The following PRR16 variants were observed in gnomAD, a reference collection of about 807,000 sequenced individuals.
PRR16 encodes the protein proline rich 16, also known as protein Largen.
Under a neutral mutation model 18.2 loss-of-function variants are expected in PRR16, and 6 were observed. The observed-to-expected ratio is 0.33, with a 90% CI of 0.18 to 0.65. PRR16 has a LOEUF of 0.65. PRR16 is among the 30% of genes least tolerant of loss of function. The pLI is 0.74. For synonymous variants in PRR16, 151 were observed against 147.8 expected (o/e 1.02, Z -0.16); for missense variants, 412 against 376.6 (o/e 1.09, Z -0.78).
chr5:120,668,957 G>A (rs148351601), intron 1 of PRR16, among the ~76,000 whole-genome samples: 2 of 152,228 alleles, frequency 1.3e-5, no homozygotes, highest in East Asian at 3.9e-4. Flanking sequence ...AAAATAAAGT[G>A]ACCGTCTGCA....
At chr5:120,771,779 T>C in the PRR16 span, among the ~76,000 whole-genome samples, 23 of 152,108 alleles carry the variant, frequency 1.5e-4, no homozygotes, top group African/African-American at 5.5e-4. Flanking sequence ...CCAAGATATT[T>C]GTTAGTATAT....
At chr5:120,466,766 C>A (rs929435733) in intron 1 of PRR16, among the ~76,000 whole-genome samples, 7 of 152,130 alleles carry the variant, frequency 4.6e-5, no homozygotes, top group African/African-American at 1.7e-4. Flanking sequence ...ATGAAACTAT[C>A]TGACAGATCT....
At chr5:120,647,952 A>T (rs1377797257) in intron 1 of PRR16, among the ~76,000 whole-genome samples, 1 of 152,096 alleles carries the variant, frequency 6.6e-6, no homozygotes, top group Non-Finnish European at 1.5e-5. Flanking sequence ...CTGTGCAGAG[A>T]GGACTTATTA....
rs1052878559 is a variant in PRR16, at chr5:120,686,139, G to A, written c.345G>A (p.Thr115=). ...CAGCACACCCGTCTGCTATCCTCAC[G>A]GTCCTGAGAAAGCCAAACCCTCCAC... ...KPPAHPSAIL[T]VLRKPNPPPP... The change falls in exon 2 of 2, where the codon ACG becomes ACA. Residue 115 remains threonine (T), a synonymous_variant. Transcript: ENST00000407149. The A allele has an allele frequency of 1.1e-5, 18 of 1,614,062 alleles. No individual in the cohort carries two copies. Among genetic ancestry groups the A allele is most frequent in the Middle Eastern group, 1.6e-4 (1 of 6,062 alleles).
intron 1 of PRR16, among the ~76,000 whole-genome samples, chr5:120,676,492 G>C (rs183664667): frequency 6.8e-6 from 1 of 147,158 alleles, no homozygotes; most frequent in East Asian, 2.0e-4. Flanking sequence ...AACTTACTCT[G>C]GATTATGTTT....
At chr5:120,469,701 A>C (rs1561503016) in intron 1 of PRR16, among the ~76,000 whole-genome samples, 1 of 152,156 alleles carries the variant, frequency 6.6e-6, no homozygotes, top group Non-Finnish European at 1.5e-5. Context: ...AGCAATAGTC[A>C]TACTTTTACT....
rs548963667 is a variant in PRR16 at position 120,564,429 on chromosome 5, C to T, written c.159+99784C>T. Among the ~76,000 whole-genome samples the T allele has an allele frequency of 3.3e-5, 5 of 152,236 alleles. No homozygotes were observed. In the South Asian group the frequency reaches 1.0e-3, roughly 32 times the overall value. ...AGGCTTCCCGTGAAACTCCGACCTT[C>T]CGACCTCTGGGATGAGCATGTCCCC... On this transcript the variant is annotated intron_variant, in intron 1 of 1. Coordinates refer to ENST00000407149, the MANE Select transcript of PRR16 (RefSeq NM_001300783.2).
the PRR16 span, among the ~76,000 whole-genome samples, chr5:120,773,511 A>G: frequency 3.3e-5 from 5 of 152,192 alleles, no homozygotes. Flanking sequence ...AAAGGTTTCC[A>G]GAAGCTGCCA....
chr5:120,577,837 G>A (rs181326216), intron 1 of PRR16, among the ~76,000 whole-genome samples: 2 of 152,304 alleles, frequency 1.3e-5, no homozygotes, highest in African/African-American at 4.8e-5. Context: ...GGATGGAGAT[G>A]CTACTAGTAT....
At chr5:120,760,687 T>TAGAA in the PRR16 span, among the ~76,000 whole-genome samples, 2 of 152,144 alleles carry the variant, frequency 1.3e-5, no homozygotes, top group Admixed American at 1.3e-4. Flanking sequence ...GACCTTTGTG[T>TAGAA]AGAATAAGCT....
rs1365312432 is a variant in PRR16 at position 120,581,949 on chromosome 5, T to C, written c.160-104005T>C. Among the ~76,000 whole-genome samples, 7 of 152,156 alleles carry C rather than the reference T, an allele frequency of 4.6e-5. No homozygotes were observed. In the East Asian group the frequency reaches 1.3e-3, roughly 29 times the overall value. On this transcript the variant is annotated intron_variant, in intron 1 of 1. Coordinates refer to ENST00000407149, the MANE Select transcript of PRR16 (RefSeq NM_001300783.2). The stretch of plus-strand genomic sequence containing the variant: ...CTGAGGAGTGTTTTACTTCCAGTTA[T>C]GTGGCCAATTTTAGAGTAATTTCAA...
chr5:120,647,234 A>C (rs911901086), intron 1 of PRR16, among the ~76,000 whole-genome samples: 4 of 151,980 alleles, frequency 2.6e-5, no homozygotes, highest in Admixed American at 6.6e-5. Flanking sequence ...ATTTTGCCTA[A>C]CAATTATTCA....
At chr5:120,509,814 G>A (rs2112855255) in intron 1 of PRR16, among the ~76,000 whole-genome samples, 1 of 152,170 alleles carries the variant, frequency 6.6e-6, no homozygotes, top group Admixed American at 6.6e-5. Flanking sequence ...CACTAACAGG[G>A]AGTTAATTAC....
intron 1 of PRR16, among the ~76,000 whole-genome samples, chr5:120,538,231 A>C (rs1325983420): frequency 6.6e-6 from 1 of 152,208 alleles, no homozygotes; most frequent in Non-Finnish European, 1.5e-5. Context: ...TTTCCATTTT[A>C]AATTTGAACA....
rs192374860 is a variant in PRR16 at position 120,615,069 on chromosome 5, C to G, written c.160-70885C>G. Among the ~76,000 whole-genome samples the G allele has an allele frequency of 4.2e-4, 63 of 151,114 alleles. 1 individual carries two copies. The highest frequency in any genetic ancestry group is 3.7e-3 in the Admixed American group (56 of 15,166). ...GTATAACGGAAAAAAAAATAGCAAA[C>G]ATTTGTAAGCACTTATGTGCTTTTA... is the stretch of plus-strand genomic sequence containing the variant. On this transcript the variant is annotated intron_variant, in intron 1 of 1. Coordinates refer to ENST00000407149, the MANE Select transcript of PRR16 (RefSeq NM_001300783.2).
chr5:120,744,058 A>C, the PRR16 span, among the ~76,000 whole-genome samples: 1 of 152,040 alleles, frequency 6.6e-6, no homozygotes. Context: ...CAATGGACTC[A>C]CTGTACAATG....
At chr5:120,662,928 A>G (rs952869161) in intron 1 of PRR16, among the ~76,000 whole-genome samples, 39 of 152,126 alleles carry the variant, frequency 2.6e-4, no homozygotes, top group African/African-American at 8.4e-4. Context: ...GTTCCAGTTC[A>G]TTCCACCACC....
At chr5:120,735,129 G>C in the PRR16 span, among the ~76,000 whole-genome samples, 2 of 152,072 alleles carry the variant, frequency 1.3e-5, no homozygotes, top group Non-Finnish European at 2.9e-5. Flanking sequence ...TTTTGTGATT[G>C]GCTTATTTCG....
chr5:120,654,114 T>C (rs924829221), intron 1 of PRR16, among the ~76,000 whole-genome samples: 2 of 152,072 alleles, frequency 1.3e-5, no homozygotes, highest in Non-Finnish European at 2.9e-5. Flanking sequence ...TGTGAACAAC[T>C]TTCAGGAAAT....
Sources: gnomAD v4.1 joint callset for allele counts (sites outside exome capture counted in the v4.1 genomes callset) on GRCh38, gnomAD v4.1.1 for gene constraint, MANE v1.5 for transcripts, NCBI Gene and HGNC (gene_info 2026-07-23, HGNC 2026-07-21) for gene names.